The following COL11A2 variants were observed in gnomAD, a reference collection of about 807,000 sequenced individuals.
COL11A2 encodes collagen alpha-2(XI) chain.
A neutral mutation model predicts 273.4 loss-of-function variants in COL11A2; 116 were observed. The ratio of observed to expected loss-of-function variants is 0.42; its 90% CI spans 0.36 to 0.49. COL11A2 has a LOEUF of 0.49. Ranked by LOEUF, COL11A2 falls within the 20% of genes least tolerant of loss-of-function variation. The pLI is 0.00. For synonymous variants in COL11A2, 782 were observed against 864.2 expected (o/e 0.90, Z 1.67); for missense variants, 1,866 against 2,309.0 (o/e 0.81, Z 3.93).
chr6:33,168,924 T>C, intron 52 of COL11A2, 31 bp downstream of exon 52: 1 of 1,601,944 alleles, frequency 6.2e-7, no homozygotes, highest in Admixed American at 1.7e-5. Context: ...CCCACCCTTT[T>C]TGCCCCTTCC....
rs763588519 is a variant in COL11A2, at chr6:33,167,048, C to T, written c.4230+22G>A. 6.2e-7 allele frequency: 1 copy of T among 1,612,892 alleles called. No individual in the cohort carries two copies. The highest frequency in any genetic ancestry group is 8.5e-7 in the Non-Finnish European group (1 of 1,179,972). On this transcript the variant is annotated intron_variant, in intron 58 of 65. Coordinates refer to ENST00000341947, the MANE Select transcript of COL11A2 (RefSeq NM_080680.3). This position sits in a 1 kb window ranked among gnomAD's most constrained non-coding sequence, Gnocchi z 6.1. Reference sequence around the variant, plus strand: ...GAGGGTGATGGGAGAGACACCTGGCCACGTGTCTGTCTGTCACTCACCTTC... The same window carrying T: ...GAGGGTGATGGGAGAGACACCTGGCTACGTGTCTGTCTGTCACTCACCTTC...
intron 31 of COL11A2, 108 bp from the exon 32 acceptor site, chr6:33,174,326 G>A (rs1040971639): frequency 2.6e-5 from 38 of 1,471,746 alleles, no homozygotes; most frequent in East Asian, 9.9e-5. Context: ...AGGGAGACCC[G>A]AGCTCTGCCA....
chr6:33,168,680 G>T, intron 53 of COL11A2, 26 bp downstream of exon 53: 2 of 1,589,822 alleles, frequency 1.3e-6, no homozygotes, highest in Non-Finnish European at 1.7e-6. Context: ...GGGCTCAGGG[G>T]GGTGGTGGGG....
chr6:33,188,247 T>A, intron 4 of COL11A2, 115 bp downstream of exon 4: 2 of 1,281,026 alleles, frequency 1.6e-6, no homozygotes, highest in Middle Eastern at 2.5e-4. Context: ...TGAAAATTCA[T>A]AAGAAAAAAA....
chr6:33,166,521 C>CG lies in COL11A2; in HGVS notation c.4383dup (p.Gly1462ArgfsTer65), dbSNP rs1769168896. 6.2e-7 allele frequency: 1 copy of CG among 1,613,374 alleles called. No individual in the cohort carries two copies. The highest frequency in any genetic ancestry group is 1.7e-5 in the Admixed American group (1 of 59,962). On this transcript the variant is annotated frameshift_variant, in exon 60 of 66. Coordinates refer to ENST00000341947, the MANE Select transcript of COL11A2 (RefSeq NM_080680.3). LOFTEE classifies it high-confidence loss of function. The surrounding 1 kb of genome is among the most constrained non-coding windows in gnomAD (Gnocchi z 4.8). ...ACAGAGGCAGTACTCACGGGGAGGC[C>CG]GGGGGGACCTCCAGGACCAATGGGG...
Position 33,177,624 on chromosome 6 carries a change from G to A in COL11A2, c.1917+38C>T, listed in dbSNP as rs558034827. 92 of 1,611,486 alleles carry A rather than the reference G, an allele frequency of 5.7e-5. No individual in the cohort carries two copies. In the Middle Eastern group the frequency reaches 1.5e-3, roughly 26 times the overall value. Reference sequence around the variant, plus strand: ...CAGGATGCTGGCAGGGACCTCGGGGGATAAGAATGGGGGTGGGATCTCCTA... The same window carrying A: ...CAGGATGCTGGCAGGGACCTCGGGGAATAAGAATGGGGGTGGGATCTCCTA... On this transcript the variant is annotated intron_variant, in intron 22 of 65. Transcript: ENST00000341947. The surrounding 1 kb of genome is among the most constrained non-coding windows in gnomAD (Gnocchi z 5.9).
At chr6:33,180,048 C>G (rs1389534855) in intron 12 of COL11A2, among the ~76,000 whole-genome samples, 1 of 152,204 alleles carries the variant, frequency 6.6e-6, no homozygotes, top group Non-Finnish European at 1.5e-5. Flanking sequence ...ATAGGCTGTT[C>G]TGCCCAGTCC....
In COL11A2 at chr6:33,177,784, G is replaced by A. The variant is rs527851272; in HGVS notation, c.1873-78C>T. ...GGTTTTCAGAGGCCCGGCCATTCCC[G>A]AGGGTGTGACGGTCAGACCTCCAAT... On this transcript the variant is annotated intron_variant, in intron 21 of 65. Coordinates refer to ENST00000341947, the MANE Select transcript of COL11A2 (RefSeq NM_080680.3). This position sits in a 1 kb window ranked among gnomAD's most constrained non-coding sequence, Gnocchi z 5.9. 1.3e-4 allele frequency: 195 copies of A among 1,528,684 alleles called. No individual in the cohort carries two copies. The Admixed American group carries it at 3.1e-3, about 25-fold the overall frequency. The allele number at this position is 1,528,684 out of a possible 1,614,324, so 94.7% of individuals were successfully genotyped here. A position where few individuals can be genotyped will look rare whatever the true frequency, so the allele number is the denominator to read the frequency against.
chr6:33,178,940 G>A lies in COL11A2; in HGVS notation c.1645C>T (p.Pro549Ser). The change falls in exon 17 of 66, where the codon CCT becomes TCT. Residue 549 changes from proline (P) to serine (S), a missense_variant. By Grantham distance (74) the Pro-to-Ser change is moderately conservative. Coordinates refer to ENST00000341947, the MANE Select transcript of COL11A2 (RefSeq NM_080680.3). The surrounding 1 kb of genome is among the most constrained non-coding windows in gnomAD (Gnocchi z 4.6). ...GTTACCTTCACTCCAGGATCTCCAGGCATCCCTCGGGCTCCATCAGCACCT... is the reference window on the plus strand; with the variant it reads ...GTTACCTTCACTCCAGGATCTCCAGACATCCCTCGGGCTCCATCAGCACCT... Reference protein sequence around the residue: ...RAGADGARGMPGDPGVKGDRG... With the variant: ...RAGADGARGMSGDPGVKGDRG... 6.2e-7 allele frequency: 1 copy of A among 1,614,110 alleles called. No homozygotes were observed. The highest frequency in any genetic ancestry group is 8.5e-7 in the Non-Finnish European group (1 of 1,180,018).
At position 33,166,824 on chromosome 6, in the gene COL11A2, G is replaced by A. The variant is rs757898834; in HGVS notation, c.4234C>T (p.His1412Tyr). ...GDAGAKGEKG[H>Y]PGLIGLIGPP... ...CCAATCAGTCCAATGAGACCTGGGT[G>A]GCCCTAGAGAAGGGTGCAGGCAGTC... is the stretch of plus-strand genomic sequence containing the variant. Residue 1412 changes from histidine to tyrosine, a missense_variant, in exon 59 of 66, where the codon CAC (histidine) becomes TAC (tyrosine). Physicochemically the swap from His to Tyr is moderately conservative, Grantham distance 83 (BLOSUM62 2). Transcript: ENST00000341947. This position sits in a 1 kb window ranked among gnomAD's most constrained non-coding sequence, Gnocchi z 4.8. 1.9e-6 allele frequency: 3 copies of A among 1,613,306 alleles called. No homozygotes were observed. Among genetic ancestry groups the A allele is most frequent in the African/African-American group, 1.3e-5 (1 of 74,918 alleles).
At chr6:33,184,919 G>A (rs1448294169) in intron 7 of COL11A2, 73 bp downstream of exon 7, 25 of 1,293,270 alleles carry the variant, frequency 1.9e-5, no homozygotes, top group Non-Finnish European at 2.6e-5. Flanking sequence ...CCATCAAGAC[G>A]TCATGGGCTG....
chr6:33,180,820 G>GATCTGGGA (rs1771633955), intron 10 of COL11A2, 90 bp from the exon 11 acceptor site: 1 of 1,564,522 alleles, frequency 6.4e-7, no homozygotes, highest in East Asian at 2.2e-5. Flanking sequence ...GTGCAGAACA[G>GATCTGGGA]ATCTGGGAAT....
In COL11A2 at chr6:33,178,514, G is replaced by A. The variant is rs771369793; in HGVS notation, c.1720-26C>T. On this transcript the variant is annotated intron_variant, in intron 18 of 65. Coordinates refer to ENST00000341947, the MANE Select transcript of COL11A2 (RefSeq NM_080680.3). The surrounding 1 kb of genome is among the most constrained non-coding windows in gnomAD (Gnocchi z 4.6). ...CTGCAAAATGGGGGAACTCATAAGA[G>A]GGGCTTCAGAGCCCCCAACACAGGC... 6.2e-7 allele frequency: 1 copy of A among 1,612,902 alleles called. No homozygotes were observed. The highest frequency in any genetic ancestry group is 8.5e-7 in the Non-Finnish European group (1 of 1,179,932).
chr6:33,184,205 A>G lies in COL11A2; in HGVS notation c.1059T>C (p.Asp353=). ...GGCCAAGCTCTGTCTCCTCACGATA[A>G]TCATCCCCATAGCCATAGGTGTAAT... ...PYDYTYGYGD[D]YREETELGPA... The change falls in exon 8 of 66, where the codon GAT becomes GAC. Residue 353 remains aspartate (D), a synonymous_variant. Transcript: ENST00000341947. 7.3e-7 allele frequency: 1 copy of G among 1,367,566 alleles called. No individual in the cohort carries two copies. The allele number at this position is 1,367,566 out of a possible 1,614,324, so 84.7% of individuals were successfully genotyped here.
chr6:33,179,539 A>C lies in COL11A2; in HGVS notation c.1447-52T>G. On this transcript the variant is annotated intron_variant, in intron 13 of 65. Transcript: ENST00000341947. This position sits in a 1 kb window ranked among gnomAD's most constrained non-coding sequence, Gnocchi z 6.4. ...TGAGGGACAGGCAGTGGGAACCCCCAGCCCCAGCACTCTCCAAATTCACCC... is the reference window on the plus strand; with the variant it reads ...TGAGGGACAGGCAGTGGGAACCCCCCGCCCCAGCACTCTCCAAATTCACCC... 6.6e-7 allele frequency: 1 copy of C among 1,506,450 alleles called. No homozygotes were observed. Among genetic ancestry groups the C allele is most frequent in the South Asian group, 1.2e-5 (1 of 83,324 alleles). 93.3% of individuals were successfully genotyped at this position (1,506,450 alleles called of 1,614,324 possible). A position where few individuals can be genotyped will look rare whatever the true frequency, so the allele number is the denominator to read the frequency against.
chr6:33,170,520 T>C lies in COL11A2; in HGVS notation c.3528+37A>G. ...GGGGCTGGCCAGGGAGGGGGGTGACTAGTATGGTGGCTAGGGTCAGTAGGG... is the reference window on the plus strand; with the variant it reads ...GGGGCTGGCCAGGGAGGGGGGTGACCAGTATGGTGGCTAGGGTCAGTAGGG... On this transcript the variant is annotated intron_variant, in intron 47 of 65. Coordinates refer to ENST00000341947, the MANE Select transcript of COL11A2 (RefSeq NM_080680.3). This position sits in a 1 kb window ranked among gnomAD's most constrained non-coding sequence, Gnocchi z 4.3. The C allele has an allele frequency of 1.2e-6, 2 of 1,609,454 alleles. No individual in the cohort carries two copies. Among genetic ancestry groups the C allele is most frequent in the Non-Finnish European group, 1.7e-6 (2 of 1,177,806 alleles).
At position 33,179,156 on chromosome 6, in the gene COL11A2, GGAGGC is replaced by G; in HGVS notation, c.1558-35_1558-31del. The G allele has an allele frequency of 6.2e-7, 1 of 1,612,318 alleles. No homozygotes were observed. The highest frequency in any genetic ancestry group is 8.5e-7 in the Non-Finnish European group (1 of 1,179,258). On this transcript the variant is annotated intron_variant, in intron 15 of 65. Coordinates refer to ENST00000341947, the MANE Select transcript of COL11A2 (RefSeq NM_080680.3). This position sits in a 1 kb window ranked among gnomAD's most constrained non-coding sequence, Gnocchi z 6.4. ...TGAGAGGAGAGATGGGGTGGGGTTA[GGAGGC>G]ATAGGGAGGGGAGTGAGGGAGACTG...
Position 33,169,778 on chromosome 6 carries a change from G to C in COL11A2, c.3690+53C>G, listed in dbSNP as rs1473648178. On this transcript the variant is annotated intron_variant, in intron 50 of 65. Transcript: ENST00000341947. The surrounding 1 kb of genome is among the most constrained non-coding windows in gnomAD (Gnocchi z 5.5). ...GAGGTCACAGGAAAAGTGGAGGCAGGGTTGAGGCGGGTGACGGGGACTGGG... is the reference window on the plus strand; with the variant it reads ...GAGGTCACAGGAAAAGTGGAGGCAGCGTTGAGGCGGGTGACGGGGACTGGG... The C allele has an allele frequency of 1.2e-6, 2 of 1,607,616 alleles. No individual in the cohort carries two copies. The highest frequency in any genetic ancestry group is 2.2e-5 in the East Asian group (1 of 44,852).
At chr6:33,174,097 C>A (rs756332438) in intron 32 of COL11A2, 42 bp from the exon 33 acceptor site, 1 of 1,613,026 alleles carries the variant, frequency 6.2e-7, no homozygotes, top group Non-Finnish European at 8.5e-7. Flanking sequence ...CAGGGTGAGA[C>A]TCCCCACAGA....
Sources: allele counts gnomAD v4.1 joint callset (sites outside exome capture counted in the v4.1 genomes callset), GRCh38; gene constraint gnomAD v4.1.1; non-coding constraint Gnocchi (gnomAD v3.1); transcripts MANE v1.5; gene names NCBI Gene and HGNC (gene_info 2026-07-23, HGNC 2026-07-21).